The following SLX4IP variants were observed in gnomAD, a reference collection of about 807,000 sequenced individuals.
SLX4IP encodes the protein protein SLX4IP.
Under a neutral mutation model 32.9 loss-of-function variants are expected in SLX4IP, and 34 were observed. The ratio of observed to expected loss-of-function variants is 1.03; its 90% CI spans 0.79 to 1.38. The LOEUF is 1.38. Among genes scored for constraint, SLX4IP ranks in the 40% most tolerant of loss-of-function variants. The pLI, the probability that SLX4IP is intolerant of heterozygous loss-of-function variation, is 0.00. For missense variants in SLX4IP, 444 were observed against 479.0 expected (o/e 0.93, Z 0.68); for synonymous variants, 172 against 171.7 (o/e 1.00, Z -0.01).
rs2067175931 is a variant in SLX4IP, at chr20:10,626,557, T to C, written c.*3178T>C. ...TCAGCGGCATAGATTCTAAGCCACT[T>C]CCATGTGCTTTCAGATGGCATCTTA... is the stretch of plus-strand genomic sequence containing the variant. On this transcript the variant is annotated 3_prime_UTR_variant, in exon 8 of 8. Coordinates refer to ENST00000334534, the MANE Select transcript of SLX4IP (RefSeq NM_001009608.3). 6.6e-6 allele frequency: 1 copy of C among 152,160 alleles called. No homozygotes were observed. The highest frequency in any genetic ancestry group is 2.4e-5 in the African/African-American group (1 of 41,430). 9.4% of individuals were successfully genotyped at this position (152,160 alleles called of 1,614,324 possible). A position where few individuals can be genotyped will look rare whatever the true frequency, so the allele number is the denominator to read the frequency against.
chr20:10,585,511 T>TC (rs1473555055), intron 4 of SLX4IP, among the ~76,000 whole-genome samples: 2 of 152,128 alleles, frequency 1.3e-5, no homozygotes, highest in African/African-American at 4.8e-5. Flanking sequence ...TCCTCTGAAC[T>TC]CCAACTTTTC....
chr20:10,609,574 C>G (rs1487056598), intron 6 of SLX4IP, among the ~76,000 whole-genome samples: 1 of 152,228 alleles, frequency 6.6e-6, no homozygotes, highest in African/African-American at 2.4e-5. Flanking sequence ...GTGCCCAGGG[C>G]TACTGTGGGC....
chr20:10,562,214 C>T (rs1335667180), intron 4 of SLX4IP, among the ~76,000 whole-genome samples: 3 of 152,184 alleles, frequency 2.0e-5, no homozygotes, highest in Non-Finnish European at 4.4e-5. Flanking sequence ...ATCCCGGGTT[C>T]TTGCCTTGGT....
chr20:10,464,157 G>A (rs1226847951), intron 2 of SLX4IP, among the ~76,000 whole-genome samples: 1 of 152,092 alleles, frequency 6.6e-6, no homozygotes, highest in Non-Finnish European at 1.5e-5. Flanking sequence ...GAGGGGGCTG[G>A]ATGAGGCAGA....
intron 2 of SLX4IP, among the ~76,000 whole-genome samples, chr20:10,515,428 G>A (rs765410586): frequency 7.2e-5 from 11 of 152,114 alleles, no homozygotes; most frequent in Non-Finnish European, 1.3e-4. Context: ...GGTGAAACAG[G>A]TGTGCCTTTG....
intron 6 of SLX4IP, among the ~76,000 whole-genome samples, chr20:10,620,738 G>C (rs887013889): frequency 6.6e-6 from 1 of 152,128 alleles, no homozygotes; most frequent in African/African-American, 2.4e-5. Context: ...TGTATTTTTA[G>C]TAGAGACGGG....
chr20:10,523,207 T>G (rs1435157902), intron 2 of SLX4IP, among the ~76,000 whole-genome samples: 1 of 152,144 alleles, frequency 6.6e-6, no homozygotes, highest in Non-Finnish European at 1.5e-5. Context: ...GGTTTCCACC[T>G]GAAAGGGATG....
At position 10,535,310 on chromosome 20, in the gene SLX4IP, A is replaced by C. The variant is rs560276798; in HGVS notation, c.28-20921A>C. Among the ~76,000 whole-genome samples the C allele has an allele frequency of 2.0e-5, 3 of 152,158 alleles. No individual in the cohort carries two copies. In the South Asian group the frequency reaches 6.2e-4, roughly 32 times the overall value. On this transcript the variant is annotated intron_variant, in intron 2 of 7. Transcript: ENST00000334534. ...AAACAGGAGGAGGGAGCAGGTTTGG[A>C]AAGAACGTGCAGGTTTTGTTTGTTT...
At chr20:10,592,781 C>T (rs748321046) in intron 4 of SLX4IP, among the ~76,000 whole-genome samples, 8 of 151,596 alleles carry the variant, frequency 5.3e-5, no homozygotes, top group Non-Finnish European at 1.2e-4. Flanking sequence ...ACTACAGGTG[C>T]GTGCCACCAC....
intron 7 of SLX4IP, among the ~76,000 whole-genome samples, 170 bp downstream of exon 7, chr20:10,621,584 T>C (rs2122572916): frequency 6.6e-6 from 1 of 152,214 alleles, no homozygotes; most frequent in East Asian, 1.9e-4. Flanking sequence ...ACAATAGGGA[T>C]AGAATCCTTG....
chr20:10,518,567 TTTTC>T (rs1309728962), intron 2 of SLX4IP, among the ~76,000 whole-genome samples: 2 of 148,016 alleles, frequency 1.4e-5, no homozygotes, highest in South Asian at 2.2e-4. Flanking sequence ...TCTTTCTTTC[TTTTC>T]TTTCTTTCTT....
At chr20:10,559,661 TCCCATTG>T (rs1044842492) in intron 3 of SLX4IP, among the ~76,000 whole-genome samples, 2 of 152,198 alleles carry the variant, frequency 1.3e-5, no homozygotes, top group Admixed American at 1.3e-4. Context: ...AAGAGTATCT[TCCCATTG>T]TGTTGGGCTT....
chr20:10,506,603 G>A (rs1276073404), intron 2 of SLX4IP, among the ~76,000 whole-genome samples: 1 of 152,168 alleles, frequency 6.6e-6, no homozygotes, highest in Non-Finnish European at 1.5e-5. Flanking sequence ...AATTCAACAT[G>A]AGATGTTTAC....
intron 4 of SLX4IP, among the ~76,000 whole-genome samples, chr20:10,576,007 A>C (rs1046546601): frequency 6.6e-6 from 1 of 152,152 alleles, no homozygotes; most frequent in African/African-American, 2.4e-5. Context: ...TTGCTACCTG[A>C]ATATCTTGGG....
chr20:10,586,066 T>C (rs993192869), intron 4 of SLX4IP, among the ~76,000 whole-genome samples: 1 of 152,220 alleles, frequency 6.6e-6, no homozygotes, highest in Non-Finnish European at 1.5e-5. Context: ...ATCAGTCTTC[T>C]CTGAACACGT....
intron 2 of SLX4IP, among the ~76,000 whole-genome samples, chr20:10,526,051 C>T (rs899362644): frequency 6.6e-6 from 1 of 152,182 alleles, no homozygotes; most frequent in Admixed American, 6.5e-5. Context: ...GTCAGCTGAT[C>T]TCTTTGTTCT....
intron 1 of SLX4IP, among the ~76,000 whole-genome samples, chr20:10,440,920 A>G (rs77670842): frequency 0.095 from 14,440 of 152,222 alleles, 758 homozygotes; most frequent in East Asian, 0.15. Flanking sequence ...AGGCCCCATA[A>G]TTACATATCT....
chr20:10,595,547 G>A (rs568968133), intron 4 of SLX4IP, among the ~76,000 whole-genome samples: 2 of 152,292 alleles, frequency 1.3e-5, no homozygotes, highest in Admixed American at 6.5e-5. Flanking sequence ...AGAGAGTAGT[G>A]GAGCTTTGCT....
At chr20:10,480,476 G>A (rs987605109) in intron 2 of SLX4IP, among the ~76,000 whole-genome samples, 2 of 152,142 alleles carry the variant, frequency 1.3e-5, no homozygotes, top group Non-Finnish European at 2.9e-5. Context: ...GATGTGTACT[G>A]TAGATTATAT....
Sources: gnomAD v4.1 joint callset for allele counts (sites outside exome capture counted in the v4.1 genomes callset) on GRCh38, gnomAD v4.1.1 for gene constraint, MANE v1.5 for transcripts, NCBI Gene and HGNC (gene_info 2026-07-23, HGNC 2026-07-21) for gene names.